The following GLI3 variants were observed in gnomAD, a reference collection of about 807,000 sequenced individuals.
GLI3 encodes GLI family zinc finger 3.
A neutral mutation model predicts 100.8 loss-of-function variants in GLI3; 20 were observed. The ratio of observed to expected loss-of-function variants is 0.20; its 90% CI spans 0.14 to 0.29. The LOEUF (loss-of-function observed/expected upper bound fraction) is 0.29, where lower values mean the gene tolerates loss of function less well. GLI3 is among the 10% of genes least tolerant of loss of function. The probability of loss-of-function intolerance (pLI) is 1.00; values close to 1 mark genes in which losing one functional copy is unlikely to be tolerated. For missense variants in GLI3, 2,040 were observed against 2,128.5 expected (o/e 0.96, Z 0.82); for synonymous variants, 938 against 860.5 (o/e 1.09, Z -1.58).
chr7:42,081,984 G>T (rs953559344), intron 3 of GLI3, among the ~76,000 whole-genome samples: 4 of 151,940 alleles, frequency 2.6e-5, no homozygotes, highest in African/African-American at 9.7e-5. Flanking sequence ...ATCAGCTAGG[G>T]ATGATTTTCT....
chr7:42,117,866 A>C (rs73325641), intron 3 of GLI3, among the ~76,000 whole-genome samples: 2,682 of 152,250 alleles, frequency 0.018, 80 homozygotes, highest in African/African-American at 0.061. Flanking sequence ...ATATCACTGC[A>C]GATTCCGTGG....
chr7:42,180,135 G>A (rs34123493), intron 2 of GLI3, among the ~76,000 whole-genome samples: 80,886 of 152,010 alleles, frequency 0.53, 22,238 homozygotes, highest in African/African-American at 0.65. Context: ...GGCCTGCAGA[G>A]GACAGGCAGT....
At chr7:42,136,445 T>C (rs1204353433) in intron 3 of GLI3, among the ~76,000 whole-genome samples, 1 of 152,100 alleles carries the variant, frequency 6.6e-6, no homozygotes, top group African/African-American at 2.4e-5. Context: ...GAAGATCACA[T>C]AATGAGGTCC....
intron 3 of GLI3, among the ~76,000 whole-genome samples, chr7:42,117,237 G>T (rs1341693297): frequency 2.0e-5 from 3 of 152,232 alleles, no homozygotes; most frequent in Admixed American, 2.0e-4. Context: ...AGTGGTAGGG[G>T]AAGGAGAAGG....
At chr7:42,029,884 G>T (rs1352253656) in intron 7 of GLI3, among the ~76,000 whole-genome samples, 2 of 152,108 alleles carry the variant, frequency 1.3e-5, no homozygotes, top group Non-Finnish European at 2.9e-5. Context: ...CTGTCTCTCT[G>T]TCTAGGAGGC....
At chr7:41,983,352 A>G (rs1056233542) in intron 10 of GLI3, among the ~76,000 whole-genome samples, 1 of 152,232 alleles carries the variant, frequency 6.6e-6, no homozygotes, top group African/African-American at 2.4e-5. Flanking sequence ...CATTAGGCCA[A>G]ACTTCACTGT....
At chr7:42,002,465 G>A (rs1279370036) in intron 10 of GLI3, among the ~76,000 whole-genome samples, 1 of 152,080 alleles carries the variant, frequency 6.6e-6, no homozygotes. Context: ...AATCACCTGA[G>A]ATTTAATATA....
In GLI3 at chr7:42,040,090, T is replaced by C; in HGVS notation, c.976A>G (p.Ser326Gly). 1 of 1,614,132 alleles carries C rather than the reference T, an allele frequency of 6.2e-7. No homozygotes were observed. Among genetic ancestry groups the C allele is most frequent in the Non-Finnish European group, 8.5e-7 (1 of 1,179,968 alleles). Residue 326 changes from serine (S) to glycine (G), a missense_variant, in exon 7 of 15, where the codon AGC (serine) becomes GGC (glycine). Around this residue, in one of 5 missense-constraint regions of GLI3, gnomAD observed 603 missense variants for 690.9 expected, o/e 0.87. Coordinates refer to ENST00000395925, the MANE Select transcript of GLI3 (RefSeq NM_000168.6). ...SLVTILNNSR[S>G]SSSASGSYGH... is the part of the protein sequence containing the mutation. ...TAGGAGCCACTTGCTGAAGAGCTGC[T>C]ACGGGAATTATTGAGAATCGTGACC...
At chr7:42,083,837 C>G (rs1384566501) in intron 3 of GLI3, among the ~76,000 whole-genome samples, 1 of 152,094 alleles carries the variant, frequency 6.6e-6, no homozygotes, top group Admixed American at 6.5e-5. Context: ...CTAATTTTAG[C>G]AAAACCCGTA....
chr7:42,038,312 T>A (rs933643043), intron 7 of GLI3, among the ~76,000 whole-genome samples: 14 of 152,320 alleles, frequency 9.2e-5, no homozygotes, highest in African/African-American at 3.1e-4. Context: ...CTCTCCTGGA[T>A]GAACCATCCC....
chr7:42,246,860 A>T (rs62443829), intron 1 of GLI3, among the ~76,000 whole-genome samples: 59,491 of 128,876 alleles, frequency 0.46, 13,193 homozygotes, highest in East Asian at 0.74. Flanking sequence ...TTCTGCTGGG[A>T]CTCTCTGAAA....
intron 3 of GLI3, among the ~76,000 whole-genome samples, chr7:42,113,142 A>C (rs1187581037): frequency 6.6e-6 from 1 of 152,164 alleles, no homozygotes; most frequent in East Asian, 1.9e-4. Flanking sequence ...ACACCACTGC[A>C]CTCCAGCCTG....
intron 10 of GLI3, among the ~76,000 whole-genome samples, chr7:42,008,394 CT>C (rs1485986388): frequency 6.6e-6 from 1 of 152,338 alleles, no homozygotes; most frequent in East Asian, 1.9e-4. Context: ...TATCATGTCC[CT>C]TGGCACTTTC....
intron 10 of GLI3, among the ~76,000 whole-genome samples, chr7:41,996,057 G>A (rs1260396849): frequency 3.3e-5 from 5 of 152,230 alleles, no homozygotes; most frequent in African/African-American, 1.2e-4. Flanking sequence ...CCCAGGGCCT[G>A]TGGTTCAACT....
intron 10 of GLI3, among the ~76,000 whole-genome samples, chr7:42,002,890 C>A (rs1562679682): frequency 1.3e-5 from 2 of 152,166 alleles, no homozygotes; most frequent in Non-Finnish European, 2.9e-5. Flanking sequence ...TAATATCCAC[C>A]TCATTAGGTT....
chr7:42,157,676 A>G lies in GLI3; in HGVS notation c.125-9208T>C, dbSNP rs530274262. Among the ~76,000 whole-genome samples, 15 of 152,364 alleles carry G rather than the reference A, an allele frequency of 9.8e-5. No individual in the cohort carries two copies. The South Asian group carries it at 3.1e-3, about 32-fold the overall frequency. ...TATGGATTTTTAACTTATATTTCTC[A>G]ATCATTTAGAGTACAGAAAAAGCTG... On this transcript the variant is annotated intron_variant, in intron 2 of 14. Transcript: ENST00000395925.
chr7:42,033,119 G>A (rs892932975), intron 7 of GLI3, among the ~76,000 whole-genome samples: 1 of 152,176 alleles, frequency 6.6e-6, no homozygotes, highest in Non-Finnish European at 1.5e-5. Context: ...GGTAGGTGAT[G>A]CATTAGAGAA....
At chr7:42,202,660 T>C (rs1220526437) in intron 2 of GLI3, among the ~76,000 whole-genome samples, 1 of 152,180 alleles carries the variant, frequency 6.6e-6, no homozygotes, top group Non-Finnish European at 1.5e-5. Context: ...ATCACCAGGC[T>C]GATGGGCTGA....
intron 2 of GLI3, among the ~76,000 whole-genome samples, chr7:42,183,036 C>T (rs185183792): frequency 9.9e-5 from 15 of 152,096 alleles, no homozygotes; most frequent in East Asian, 5.9e-4. Flanking sequence ...GTCTGGTCAA[C>T]GTGGTGAAAC....
Sources: allele counts gnomAD v4.1 joint callset (sites outside exome capture counted in the v4.1 genomes callset), GRCh38; gene constraint gnomAD v4.1.1; regional missense constraint gnomAD v4.1.1; transcripts MANE v1.5; gene names NCBI Gene and HGNC (gene_info 2026-07-23, HGNC 2026-07-21).